Variants in MYO5C observed in about 807,000 individuals in gnomAD.
The protein encoded by MYO5C is unconventional myosin-Vc.
In MYO5C, 194 loss-of-function variants were observed where a neutral mutation model predicts 235.7. That is an observed-to-expected ratio of 0.82 (90% CI 0.73 to 0.93). The LOEUF is 0.93. Ranked by LOEUF, MYO5C falls within the 40% of genes least tolerant of loss-of-function variation. The pLI is 0.00. For missense variants in MYO5C, 2,038 were observed against 2,127.2 expected, an observed-to-expected ratio of 0.96 and a Z score of 0.82; for synonymous variants, 707 against 754.8, an observed-to-expected ratio of 0.94 and a Z score of 1.04.
rs2036883004 is a variant in MYO5C, at chr15:52,269,842, T to C, written c.851A>G (p.Asn284Ser). 1 of 1,613,036 alleles carries C rather than the reference T, an allele frequency of 6.2e-7. No homozygotes were observed. The highest frequency in any genetic ancestry group is 1.3e-5 in the African/African-American group (1 of 74,862). ...AGTATTGCCTCCCATTCTTGTATAA[T>C]TAAATTCTTCGGCACTCCCTGAAAT... ...HLKLGSAEEF[N>S]YTRMGGNTVI... The change falls in exon 8 of 41, where the codon AAT becomes AGT. Residue 284 changes from asparagine (N) to serine (S), a missense_variant. Asn to Ser is a conservative substitution (Grantham distance 46). Transcript: ENST00000261839.
At chr15:52,220,678 T>G (rs1596153068) in intron 30 of MYO5C, among the ~76,000 whole-genome samples, 1 of 128,144 alleles carries the variant, frequency 7.8e-6, no homozygotes, top group African/African-American at 3.1e-5. Flanking sequence ...AAAAAAAAAA[T>G]TAGCTGGGTG....
chr15:52,272,527 T>A (rs908897437), intron 6 of MYO5C, 53 bp downstream of exon 6: 34 of 1,572,488 alleles, frequency 2.2e-5, no homozygotes, highest in Non-Finnish European at 2.8e-5. Context: ...ATAATAAGTA[T>A]GTAAATGTAA....
At chr15:52,203,080 C>T (rs2035225047) in intron 38 of MYO5C, among the ~76,000 whole-genome samples, 1 of 151,830 alleles carries the variant, frequency 6.6e-6, no homozygotes, top group Admixed American at 6.6e-5. Flanking sequence ...ACCACCAGGC[C>T]TGGCTAATTT....
intron 29 of MYO5C, 136 bp downstream of exon 29, chr15:52,223,408 C>T: frequency 1.3e-6 from 1 of 794,060 alleles, no homozygotes. Context: ...GTTTAATCAC[C>T]AGACCAAGTT....
chr15:52,275,607 G>A lies in MYO5C; in HGVS notation c.561C>T (p.Asn187=), dbSNP rs758813657. The stretch of plus-strand genomic sequence containing the variant: ...CCAGGACCTTGTCTTCCACGTGAGC[G>A]TTGCTGCCCGATTTGCTGACGGTGG... ...YFATVSKSGS[N]AHVEDKVLAS... The change falls in exon 5 of 41, where the codon AAC becomes AAT. Residue 187 remains asparagine (N), a synonymous_variant. Transcript: ENST00000261839. 27 of 1,614,076 alleles carry A rather than the reference G, an allele frequency of 1.7e-5. No individual in the cohort carries two copies. Among genetic ancestry groups the A allele is most frequent in the South Asian group, 3.3e-5 (3 of 91,084 alleles).
intron 1 of MYO5C, among the ~76,000 whole-genome samples, chr15:52,291,747 T>G (rs866008671): frequency 3.5e-5 from 3 of 85,048 alleles, no homozygotes; most frequent in Admixed American, 1.2e-4. Context: ...TTTTTTTTTT[T>G]TTTTTTTTTG....
chr15:52,232,531 C>T (rs2035988347), intron 24 of MYO5C, 91 bp downstream of exon 24: 3 of 1,216,802 alleles, frequency 2.5e-6, no homozygotes, highest in Non-Finnish European at 3.6e-6. Context: ...TTTCTTGTAT[C>T]TGTGTCTGCT....
At chr15:52,245,488 A>C in intron 17 of MYO5C, 23 bp from the exon 18 acceptor site, 1 of 1,543,128 alleles carries the variant, frequency 6.5e-7, no homozygotes, top group Non-Finnish European at 9.0e-7. Context: ...AGGGGATCAA[A>C]GCCAGGAGTG....
chr15:52,246,767 A>C (rs1212618111), intron 16 of MYO5C, 150 bp downstream of exon 16: 1 of 575,336 alleles, frequency 1.7e-6, no homozygotes, highest in Non-Finnish European at 3.1e-6. Flanking sequence ...GGCTGAGCTA[A>C]CATTTTATGT....
At chr15:52,223,148 C>CAAAAAAAAAA (rs59251560) in intron 29 of MYO5C, among the ~76,000 whole-genome samples, 1 of 128,878 alleles carries the variant, frequency 7.8e-6, no homozygotes. Context: ...GACTTCATCT[C>CAAAAAAAAAA]AAAAAAAAAA....
Position 52,237,573 on chromosome 15 carries a change from A to G in MYO5C, c.2777T>C (p.Ile926Thr). 1 of 1,614,110 alleles carries G rather than the reference A, an allele frequency of 6.2e-7. No individual in the cohort carries two copies. The highest frequency in any genetic ancestry group is 1.1e-5 in the South Asian group (1 of 91,074). Residue 926 changes from isoleucine to threonine, a missense_variant, in exon 22 of 41, where the codon ATT (isoleucine) becomes ACT (threonine). Physicochemically the swap from Ile to Thr is moderately conservative, Grantham distance 89. Coordinates refer to ENST00000261839, the MANE Select transcript of MYO5C (RefSeq NM_018728.4). The stretch of plus-strand genomic sequence containing the variant: ...TTCTAGTTCTGCTTCCAGCTTCTGA[A>G]TCTTTTCCACATCCCCAGCTCGAAG... Reference protein sequence around the residue: ...AALRAGDVEKIQKLEAELEKA... With the variant: ...AALRAGDVEKTQKLEAELEKA...
At chr15:52,199,423 G>C (rs529099372) in intron 38 of MYO5C, among the ~76,000 whole-genome samples, 1 of 152,130 alleles carries the variant, frequency 6.6e-6, no homozygotes, top group African/African-American at 2.4e-5. Context: ...GAATGCATTC[G>C]GCAGCTATTT....
chr15:52,225,680 C>T (rs2035806665), intron 25 of MYO5C, 148 bp from the exon 26 acceptor site: 2 of 623,482 alleles, frequency 3.2e-6, no homozygotes, highest in Admixed American at 4.7e-5. Context: ...GTTAAACCAT[C>T]ACTGCCTACA....
At chr15:52,273,813 A>G (rs1010837557) in intron 5 of MYO5C, among the ~76,000 whole-genome samples, 12 of 152,316 alleles carry the variant, frequency 7.9e-5, no homozygotes, top group African/African-American at 2.9e-4. Context: ...GAACACTTAC[A>G]GAGTAGGGAG....
chr15:52,268,143 A>G (rs558379730), intron 8 of MYO5C, among the ~76,000 whole-genome samples: 5 of 152,302 alleles, frequency 3.3e-5, no homozygotes, highest in African/African-American at 1.2e-4. Flanking sequence ...CGTCTTGCCT[A>G]TTCCTTGGAT....
Position 52,229,257 on chromosome 15 carries a change from G to A in MYO5C, c.3083C>T (p.Ser1028Phe). The part of the protein sequence containing the change: ...KTQDYEKQIQ[S>F]LKEEIKALKD... ...GAGAGCTTTAATTTCTTCTTTCAAA[G>A]ACTGAATCTGCTTCTCATAGTCTTG... The change falls in exon 25 of 41, where the codon TCT (serine) becomes TTT (phenylalanine). Residue 1028 changes from serine (S) to phenylalanine (F), a missense_variant. Coordinates refer to ENST00000261839, the MANE Select transcript of MYO5C (RefSeq NM_018728.4). 6.2e-7 allele frequency: 1 copy of A among 1,614,180 alleles called. No individual in the cohort carries two copies. Among genetic ancestry groups the A allele is most frequent in the Non-Finnish European group, 8.5e-7 (1 of 1,180,032 alleles).
Position 52,271,744 on chromosome 15 carries a change from T to C in MYO5C, c.832+19A>G. Reference sequence around the variant, plus strand: ...CCTCCATAAAAGAGAGACCCTTTCATACACGATCCATCACATACCCAATTT... The same window carrying C: ...CCTCCATAAAAGAGAGACCCTTTCACACACGATCCATCACATACCCAATTT... On this transcript the variant is annotated intron_variant, in intron 7 of 40. Coordinates refer to ENST00000261839, the MANE Select transcript of MYO5C (RefSeq NM_018728.4). 1 of 1,448,840 alleles carries C rather than the reference T, an allele frequency of 6.9e-7. No homozygotes were observed. Among genetic ancestry groups the C allele is most frequent in the Non-Finnish European group, 9.4e-7 (1 of 1,064,722 alleles). 89.7% of individuals were successfully genotyped at this position (1,448,840 alleles called of 1,614,324 possible).
chr15:52,282,675 C>A, intron 2 of MYO5C, 107 bp downstream of exon 2: 1 of 753,990 alleles, frequency 1.3e-6, no homozygotes. Flanking sequence ...CCCACTCGTG[C>A]GCCCTCCCCT....
chr15:52,201,431 A>C (rs1327735354), intron 38 of MYO5C, among the ~76,000 whole-genome samples: 1 of 152,234 alleles, frequency 6.6e-6, no homozygotes, highest in Non-Finnish European at 1.5e-5. Flanking sequence ...TCCTACAAAC[A>C]TACCCTTTAG....
Sources: allele counts gnomAD v4.1 joint callset (sites outside exome capture counted in the v4.1 genomes callset), GRCh38; gene constraint gnomAD v4.1.1; transcripts MANE v1.5; gene names NCBI Gene and HGNC (gene_info 2026-07-23, HGNC 2026-07-21).